Variants in ADAMTS17 observed in about 807,000 individuals in gnomAD.
The protein encoded by ADAMTS17 is ADAM metallopeptidase with thrombospondin type 1 motif 17.
ADAMTS17 carries 113 observed loss-of-function variants against 141.5 expected under a neutral mutation model. That is an observed-to-expected ratio of 0.80 (90% confidence interval 0.69 to 0.93). ADAMTS17 has a LOEUF of 0.93. Ranked by LOEUF, ADAMTS17 falls within the 40% of genes least tolerant of loss-of-function variation. The probability of loss-of-function intolerance (pLI) is 0.00; values close to 1 mark genes in which losing one functional copy is unlikely to be tolerated. For missense variants in ADAMTS17, 1,659 were observed against 1,517.9 expected (o/e 1.09, Z -1.54); for synonymous variants, 768 against 630.6 (o/e 1.22, Z -3.27).
At chr15:100,197,483 A>G (rs1433703077) in intron 8 of ADAMTS17, among the ~76,000 whole-genome samples, 1 of 152,198 alleles carries the variant, frequency 6.6e-6, no homozygotes, top group South Asian at 2.1e-4. Flanking sequence ...TTCCCCAGCA[A>G]ATCACTCTTG....
chr15:99,978,617 T>C (rs574693638), intron 20 of ADAMTS17: 2 of 152,346 alleles, frequency 1.3e-5, no homozygotes, highest in South Asian at 2.1e-4. Context: ...GCATGGAAGT[T>C]TGAGGAGTGC....
chr15:100,279,110 A>G (rs556316321), intron 4 of ADAMTS17, among the ~76,000 whole-genome samples: 2 of 152,288 alleles, frequency 1.3e-5, no homozygotes, highest in East Asian at 3.9e-4. Context: ...TTGCCCAGCC[A>G]CAGCCCCGCC....
intron 7 of ADAMTS17, among the ~76,000 whole-genome samples, chr15:100,217,425 C>T (rs553794197): frequency 6.6e-6 from 1 of 152,264 alleles, no homozygotes; most frequent in African/African-American, 2.4e-5. Flanking sequence ...CGGGAAAACC[C>T]TGTCTCTACT....
chr15:100,281,161 C>T (rs573979843), intron 4 of ADAMTS17, 68 bp downstream of exon 4: 15 of 1,592,496 alleles, frequency 9.4e-6, no homozygotes, highest in Non-Finnish European at 1.2e-5. Flanking sequence ...GACACAGCAC[C>T]TGCTTCCAGA....
At chr15:100,205,789 C>A (rs4572372) in intron 7 of ADAMTS17, among the ~76,000 whole-genome samples, 40,346 of 152,194 alleles carry the variant, frequency 0.27, 5,615 homozygotes, top group African/African-American at 0.36. Context: ...AAGCAGCCTC[C>A]AGGCCATTTC....
At chr15:100,021,341 C>G (rs1332717498) in intron 18 of ADAMTS17, among the ~76,000 whole-genome samples, 1 of 152,176 alleles carries the variant, frequency 6.6e-6, no homozygotes, top group East Asian at 1.9e-4. Context: ...GGACTGCTCT[C>G]TGTGCCACGT....
chr15:100,252,480 C>A (rs1243855286), intron 7 of ADAMTS17, among the ~76,000 whole-genome samples: 3 of 152,180 alleles, frequency 2.0e-5, no homozygotes, highest in African/African-American at 7.2e-5. Context: ...CTCCACGGGG[C>A]AAGCCAGGAA....
At chr15:100,027,648 A>G (rs1202245769) in intron 18 of ADAMTS17, among the ~76,000 whole-genome samples, 1 of 152,256 alleles carries the variant, frequency 6.6e-6, no homozygotes, top group Non-Finnish European at 1.5e-5. Context: ...TGTAAAGCCT[A>G]AAATATTTAA....
intron 6 of ADAMTS17, among the ~76,000 whole-genome samples, chr15:100,260,037 G>A (rs535459473): frequency 2.6e-5 from 4 of 152,144 alleles, no homozygotes; most frequent in African/African-American, 9.6e-5. Flanking sequence ...TAGAGACGGG[G>A]TTTCATAATG....
chr15:100,168,206 G>C (rs1253526618), intron 8 of ADAMTS17, among the ~76,000 whole-genome samples: 1 of 152,214 alleles, frequency 6.6e-6, no homozygotes, highest in Non-Finnish European at 1.5e-5. Context: ...TCTGCCAAGG[G>C]TGCACTGCGA....
At chr15:100,091,383 C>T (rs1452105757) in intron 15 of ADAMTS17, among the ~76,000 whole-genome samples, 2 of 152,102 alleles carry the variant, frequency 1.3e-5, no homozygotes, top group Non-Finnish European at 2.9e-5. Flanking sequence ...GCTTCAGCCA[C>T]CAAGCAGGAG....
intron 7 of ADAMTS17, among the ~76,000 whole-genome samples, chr15:100,249,743 C>G (rs936507968): frequency 2.6e-5 from 4 of 152,218 alleles, no homozygotes; most frequent in Admixed American, 2.0e-4. Flanking sequence ...TGGGCTGATG[C>G]AGAGGAGAGT....
Position 100,152,696 on chromosome 15 carries a change from G to T in ADAMTS17, c.1389C>A (p.His463Gln), listed in dbSNP as rs1312451522. Residue 463 changes from histidine to glutamine, a missense_variant, in exon 10 of 22, where the codon CAC (histidine) becomes CAA (glutamine). His to Gln is a conservative substitution (Grantham distance 24). Coordinates refer to ENST00000268070, the MANE Select transcript of ADAMTS17 (RefSeq NM_139057.4). ...PRSQHTVRLP[H>Q]KLPGMHYSAN... is the part of the protein sequence containing the mutation. ...CACTGTAGTGCATGCCCGGCAGCTT[G>T]TGCGGGAGGCGTACTGTGTGCTGGC... 1.5e-5 allele frequency: 25 copies of T among 1,614,136 alleles called. No individual in the cohort carries two copies. The highest frequency in any genetic ancestry group is 2.0e-5 in the Non-Finnish European group (24 of 1,180,060).
At chr15:100,095,157 C>T (rs758834049) in intron 15 of ADAMTS17, among the ~76,000 whole-genome samples, 3 of 152,216 alleles carry the variant, frequency 2.0e-5, no homozygotes, top group Non-Finnish European at 4.4e-5. Flanking sequence ...CTGCTCCTGC[C>T]TCTCCTTTCT....
intron 7 of ADAMTS17, among the ~76,000 whole-genome samples, chr15:100,223,981 G>A (rs1409564695): frequency 1.3e-5 from 2 of 152,056 alleles, no homozygotes; most frequent in Middle Eastern, 3.2e-3. Flanking sequence ...ATCCAGCATG[G>A]GAGAAAGACG....
chr15:100,217,626 AT>A (rs1273431319), intron 7 of ADAMTS17, among the ~76,000 whole-genome samples: 1 of 152,130 alleles, frequency 6.6e-6, no homozygotes, highest in Admixed American at 6.5e-5. Context: ...AAAAGTAAAT[AT>A]TTGTGATCCT....
chr15:100,174,606 TC>T (rs1315790680), intron 8 of ADAMTS17, among the ~76,000 whole-genome samples: 2 of 152,228 alleles, frequency 1.3e-5, no homozygotes, highest in Non-Finnish European at 1.5e-5. Flanking sequence ...TATTCACTTC[TC>T]CTAGTATAAA....
In ADAMTS17 at chr15:99,993,333, A is replaced by T; in HGVS notation, c.2797-133T>A. The T allele has an allele frequency of 7.4e-7, 1 of 1,346,160 alleles. No homozygotes were observed. The highest frequency in any genetic ancestry group is 1.0e-6 in the Non-Finnish European group (1 of 955,748). 83.4% of individuals were successfully genotyped at this position (1,346,160 alleles called of 1,614,324 possible). Reference sequence around the variant, plus strand: ...GATGAAAACCCACACTTCTGTCCTCAAAAAGCTCCTGGTCTGCAGGGTCTT... The same window carrying T: ...GATGAAAACCCACACTTCTGTCCTCTAAAAGCTCCTGGTCTGCAGGGTCTT... On this transcript the variant is annotated intron_variant, in intron 19 of 21. Coordinates refer to ENST00000268070, the MANE Select transcript of ADAMTS17 (RefSeq NM_139057.4). The surrounding 1 kb of genome is among the most constrained non-coding windows in gnomAD (Gnocchi z 4.3).
At chr15:100,053,098 C>G (rs928950196) in intron 16 of ADAMTS17, among the ~76,000 whole-genome samples, 2 of 152,188 alleles carry the variant, frequency 1.3e-5, no homozygotes, top group African/African-American at 4.8e-5. Flanking sequence ...GTGGACAAAG[C>G]GTGTTTTGAT....
Sources: gnomAD v4.1 joint callset for allele counts (sites outside exome capture counted in the v4.1 genomes callset) on GRCh38, gnomAD v4.1.1 for gene constraint, Gnocchi (gnomAD v3.1) non-coding constraint, MANE v1.5 for transcripts, NCBI Gene and HGNC (gene_info 2026-07-23, HGNC 2026-07-21) for gene names.